Variants in DEPDC5 observed in about 807,000 individuals in gnomAD.
DEPDC5 encodes the protein GATOR1 complex protein DEPDC5.
Under a neutral mutation model 217.3 loss-of-function variants are expected in DEPDC5, and 73 were observed. The observed-to-expected ratio is 0.34, with a 90% confidence interval of 0.28 to 0.41. DEPDC5 has a LOEUF of 0.41. DEPDC5 is among the 10% of genes least tolerant of loss of function. DEPDC5 has a pLI of 1.00. For synonymous variants in DEPDC5, 733 were observed against 756.7 expected (o/e 0.97, Z 0.51); for missense variants, 1,675 against 2,070.1 (o/e 0.81, Z 3.70).
chr22:31,902,438 T>TATA lies in DEPDC5; in HGVS notation c.4436+636_4436+637insATA, dbSNP rs1569244499. Among the ~76,000 whole-genome samples, 149 of 85,374 alleles carry TATA rather than the reference T, an allele frequency of 1.7e-3. 1 individual carries two copies. The highest frequency in any genetic ancestry group is 5.8e-3 in the African/African-American group (135 of 23,352). 56.0% of individuals were successfully genotyped at this position (85,374 alleles called of 152,430 possible). ...TATATATATATATATATATATATAC[T>TATA]TATATATACTCATACAACCACAGGA... On this transcript the variant is annotated intron_variant, in intron 41 of 42. Transcript: ENST00000651528.
intron 24 of DEPDC5, among the ~76,000 whole-genome samples, chr22:31,828,186 C>G (rs927820624): frequency 7.2e-5 from 11 of 152,324 alleles, no homozygotes; most frequent in African/African-American, 2.6e-4. Context: ...CACAGTGGCT[C>G]ACGCCTGTAA....
chr22:31,824,851 C>G (rs1003321182), intron 24 of DEPDC5, among the ~76,000 whole-genome samples: 10 of 151,910 alleles, frequency 6.6e-5, no homozygotes, highest in Admixed American at 6.6e-4. Flanking sequence ...TGGCGGGCAC[C>G]TGTAGTCCCA....
At chr22:31,760,625 A>G (rs1048216242) in intron 3 of DEPDC5, 31 bp from the exon 4 acceptor site, 2 of 1,605,652 alleles carry the variant, frequency 1.2e-6, no homozygotes, top group Non-Finnish European at 1.7e-6. Context: ...TGTTCACGGT[A>G]TCCCAACTCT....
intron 34 of DEPDC5, among the ~76,000 whole-genome samples, chr22:31,872,289 G>C (rs1372605524): frequency 6.6e-6 from 1 of 152,172 alleles, no homozygotes; most frequent in Non-Finnish European, 1.5e-5. Context: ...GGTACTTCTG[G>C]CTCTTTGACC....
At chr22:31,807,406 A>G (rs2087678655) in intron 18 of DEPDC5, among the ~76,000 whole-genome samples, 1 of 152,216 alleles carries the variant, frequency 6.6e-6, no homozygotes. Flanking sequence ...TGCAAGTTTT[A>G]AGAATTTTAA....
intron 24 of DEPDC5, among the ~76,000 whole-genome samples, chr22:31,832,870 T>A (rs1197432359): frequency 6.6e-6 from 1 of 152,230 alleles, no homozygotes; most frequent in Non-Finnish European, 1.5e-5. Context: ...TTGTAGATTG[T>A]TTTTTCAAAG....
intron 12 of DEPDC5, among the ~76,000 whole-genome samples, chr22:31,795,676 C>T (rs887491896): frequency 9.9e-5 from 15 of 151,932 alleles, no homozygotes; most frequent in African/African-American, 3.1e-4. Flanking sequence ...TGAGCCACCA[C>T]GCCTGACCCA....
At chr22:31,887,419 C>CAAAAGAAAA (rs2093342804) in intron 38 of DEPDC5, among the ~76,000 whole-genome samples, 1 of 65,680 alleles carries the variant, frequency 1.5e-5, no homozygotes. Context: ...AACTCTGTCT[C>CAAAAGAAAA]AAAAAAAAAA....
At chr22:31,807,880 G>A (rs1056194787) in intron 18 of DEPDC5, among the ~76,000 whole-genome samples, 3 of 152,160 alleles carry the variant, frequency 2.0e-5, no homozygotes, top group Non-Finnish European at 4.4e-5. Context: ...CTGTGTGTCA[G>A]GGCCTCTTAT....
chr22:31,869,815 A>G (rs961906897), intron 33 of DEPDC5, among the ~76,000 whole-genome samples: 1 of 152,170 alleles, frequency 6.6e-6, no homozygotes, highest in African/African-American at 2.4e-5. Context: ...GAAAGTTTTC[A>G]GAGTAACAGA....
chr22:31,868,614 A>G (rs931663637), intron 33 of DEPDC5, among the ~76,000 whole-genome samples: 12 of 152,096 alleles, frequency 7.9e-5, no homozygotes, highest in African/African-American at 2.9e-4. Context: ...TTTTGTAGAA[A>G]TGGGGTTTCA....
chr22:31,766,711 A>G lies in DEPDC5; in HGVS notation c.363+43A>G, dbSNP rs750903414. On this transcript the variant is annotated intron_variant, in intron 6 of 42. Transcript: ENST00000651528. ...TTGAAAGTCTGTTACTTTTTCCATTATGTGAATAATCCCTGTTTATTATGG... is the reference window on the plus strand; with the variant it reads ...TTGAAAGTCTGTTACTTTTTCCATTGTGTGAATAATCCCTGTTTATTATGG... 7.8e-6 allele frequency: 12 copies of G among 1,541,252 alleles called. No individual in the cohort carries two copies. The African/African-American group carries it at 1.5e-4, about 19-fold the overall frequency.
chr22:31,894,038 C>T (rs2093496375), intron 39 of DEPDC5: 1 of 224,384 alleles, frequency 4.5e-6, no homozygotes, highest in Non-Finnish European at 8.6e-6. Flanking sequence ...ACAACCCTAG[C>T]CTCTACCCAC....
At chr22:31,859,273 A>G (rs2092426776) in intron 32 of DEPDC5, among the ~76,000 whole-genome samples, 2 of 149,614 alleles carry the variant, frequency 1.3e-5, no homozygotes. Context: ...TGTATTTTTT[A>G]GTAGAAACAA....
chr22:31,764,861 C>G (rs2082681719), intron 4 of DEPDC5, 114 bp from the exon 5 acceptor site: 3 of 717,948 alleles, frequency 4.2e-6, no homozygotes, highest in Non-Finnish European at 4.9e-6. Context: ...CTGTGTGTTG[C>G]CCGTGTCAGA....
intron 15 of DEPDC5, among the ~76,000 whole-genome samples, chr22:31,803,082 T>C (rs1486352798): frequency 6.6e-6 from 1 of 152,178 alleles, no homozygotes; most frequent in Non-Finnish European, 1.5e-5. Flanking sequence ...GTTTTTAATA[T>C]GTTAGTGTAG....
At chr22:31,792,150 C>A in intron 11 of DEPDC5, 48 bp downstream of exon 11, 1 of 1,334,044 alleles carries the variant, frequency 7.5e-7, no homozygotes, top group Non-Finnish European at 1.1e-6. Context: ...TAAGCTTCCC[C>A]CAACCCCACC....
At chr22:31,842,829 G>A (rs2091477889) in intron 27 of DEPDC5, among the ~76,000 whole-genome samples, 1 of 152,156 alleles carries the variant, frequency 6.6e-6, no homozygotes, top group South Asian at 2.1e-4. Flanking sequence ...GAGGTATCAG[G>A]TTGTTCAGCT....
In DEPDC5 at chr22:31,754,897, C is replaced by T; in HGVS notation, c.-25C>T. On this transcript the variant is annotated 5_prime_UTR_variant, in exon 2 of 43. Transcript: ENST00000651528. ...TGACTTCTCTGCCCCAAGCTTGGAA[C>T]AGCTAAAGGGAAAAACAGTGCAAGA... 1 of 1,613,832 alleles carries T rather than the reference C, an allele frequency of 6.2e-7. No homozygotes were observed. Among genetic ancestry groups the T allele is most frequent in the Non-Finnish European group, 8.5e-7 (1 of 1,179,846 alleles).
Sources: allele counts gnomAD v4.1 joint callset (sites outside exome capture counted in the v4.1 genomes callset), GRCh38; gene constraint gnomAD v4.1.1; transcripts MANE v1.5; gene names NCBI Gene and HGNC (gene_info 2026-07-23, HGNC 2026-07-21).